The following TCF12 variants were observed in gnomAD, a reference collection of about 807,000 sequenced individuals.
The protein encoded by TCF12 is DNA-binding protein HTF4.
TCF12 carries 45 observed loss-of-function variants against 86.0 expected under a neutral mutation model. The ratio of observed to expected loss-of-function variants is 0.52; its 90% CI spans 0.41 to 0.67. The LOEUF (loss-of-function observed/expected upper bound fraction) is 0.67, where lower values mean the gene tolerates loss of function less well. Among genes scored for constraint, TCF12 ranks in the 30% least tolerant of loss-of-function variants. The pLI is 0.00. For synonymous variants in TCF12, 330 were observed against 299.6 expected (o/e 1.10, Z -1.05); for missense variants, 881 against 859.9 (o/e 1.02, Z -0.31).
rs1231718840 is a variant in TCF12 at position 57,263,274 on chromosome 15, G to A, written c.1745G>A (p.Ser582Asn). ...DIKVSSRGRT[S>N]STNEDEDLNP... ...AAGGTTTCATCTAGAGGCAGAACAA[G>A]GTATTTGTTAGCATCCAGGTTTTAA... Residue 582 changes from serine to asparagine, a missense_variant and splice_region_variant, in exon 18 of 21, where the codon AGC (serine) becomes AAC (asparagine). By Grantham distance (46) the Ser-to-Asn change is conservative. Coordinates refer to ENST00000333725, the MANE Select transcript of TCF12 (RefSeq NM_207037.2). The A allele has an allele frequency of 6.2e-7, 1 of 1,601,428 alleles. No homozygotes were observed. The highest frequency in any genetic ancestry group is 8.5e-7 in the Non-Finnish European group (1 of 1,177,304).
chr15:57,279,511 T>A (rs2061580649), intron 19 of TCF12, among the ~76,000 whole-genome samples: 1 of 152,216 alleles, frequency 6.6e-6, no homozygotes, highest in South Asian at 2.1e-4. Context: ...CCAAGAGGTA[T>A]GAAAGAGTAG....
At chr15:57,239,034 G>A (rs1433837510) in intron 12 of TCF12, among the ~76,000 whole-genome samples, 1 of 152,118 alleles carries the variant, frequency 6.6e-6, no homozygotes, top group African/African-American at 2.4e-5. Flanking sequence ...AAAATATTTT[G>A]TTTGCATAAT....
chr15:56,998,661 T>C (rs1693234925), intron 3 of TCF12, among the ~76,000 whole-genome samples: 1 of 152,128 alleles, frequency 6.6e-6, no homozygotes, highest in Admixed American at 6.5e-5. Flanking sequence ...GGGTACAGAA[T>C]GTCCGAACAA....
intron 19 of TCF12, among the ~76,000 whole-genome samples, chr15:57,280,696 C>A (rs1266759369): frequency 6.6e-6 from 1 of 151,996 alleles, no homozygotes; most frequent in Non-Finnish European, 1.5e-5. Flanking sequence ...GTAGTGAGAC[C>A]CCATCTCTGA....
chr15:56,985,967 G>T (rs1354727864), intron 3 of TCF12, among the ~76,000 whole-genome samples: 4 of 152,266 alleles, frequency 2.6e-5, no homozygotes, highest in African/African-American at 9.6e-5. Context: ...GGAGTGGACA[G>T]AAAGGGAAGA....
At chr15:57,070,944 A>C (rs543931271) in intron 4 of TCF12, among the ~76,000 whole-genome samples, 21 of 152,246 alleles carry the variant, frequency 1.4e-4, no homozygotes, top group African/African-American at 4.8e-4. Context: ...GTGGCATAAG[A>C]ACAGTATAGT....
chr15:57,173,370 C>G (rs535612782), intron 6 of TCF12, among the ~76,000 whole-genome samples: 1 of 151,944 alleles, frequency 6.6e-6, no homozygotes, highest in African/African-American at 2.4e-5. Context: ...CAAAGTAAAC[C>G]CAAAATAAAT....
intron 19 of TCF12, among the ~76,000 whole-genome samples, chr15:57,279,941 T>C (rs1433963032): frequency 2.1e-5 from 3 of 141,328 alleles, no homozygotes; most frequent in East Asian, 4.2e-4. Flanking sequence ...TCGCCCAGGC[T>C]GGAGTGCAGT....
chr15:57,082,461 T>C (rs1379628940), intron 4 of TCF12, among the ~76,000 whole-genome samples: 2 of 152,234 alleles, frequency 1.3e-5, no homozygotes, highest in Non-Finnish European at 2.9e-5. Flanking sequence ...GATTAACTCA[T>C]TTAACAAATG....
chr15:57,255,927 C>T (rs2060326427), intron 16 of TCF12, among the ~76,000 whole-genome samples: 1 of 152,238 alleles, frequency 6.6e-6, no homozygotes, highest in African/African-American at 2.4e-5. Context: ...GTGTCTGTCA[C>T]AGCCTTCTCT....
intron 3 of TCF12, among the ~76,000 whole-genome samples, chr15:57,049,459 A>T (rs2067466916): frequency 6.6e-6 from 1 of 152,204 alleles, no homozygotes; most frequent in Admixed American, 6.5e-5. Context: ...TTGCACATTG[A>T]TGGAATGAAA....
chr15:57,094,964 T>C (rs2049223704), intron 5 of TCF12, among the ~76,000 whole-genome samples: 1 of 152,210 alleles, frequency 6.6e-6, no homozygotes, highest in Non-Finnish European at 1.5e-5. Context: ...TAACAAGGGT[T>C]GATAATGATT....
intron 3 of TCF12, among the ~76,000 whole-genome samples, chr15:57,007,896 TC>T (rs2141126936): frequency 1.1e-5 from 1 of 87,966 alleles, no homozygotes; most frequent in South Asian, 3.0e-4. Context: ...CTTCCTTCCT[TC>T]CTTCCTTCCT....
intron 3 of TCF12, among the ~76,000 whole-genome samples, chr15:57,006,701 G>A (rs1191218450): frequency 6.6e-6 from 1 of 152,040 alleles, no homozygotes; most frequent in Admixed American, 6.6e-5. Context: ...TGGATTGCTT[G>A]AGCTTAGGAG....
intron 3 of TCF12, among the ~76,000 whole-genome samples, chr15:57,029,506 C>T (rs2066020142): frequency 2.0e-5 from 3 of 152,080 alleles, no homozygotes; most frequent in Admixed American, 6.6e-5. Context: ...TTTACTATTC[C>T]TCCACCTTAT....
chr15:57,107,272 AC>A (rs2050194912), intron 5 of TCF12, among the ~76,000 whole-genome samples: 2 of 143,706 alleles, frequency 1.4e-5, no homozygotes, highest in South Asian at 4.3e-4. Flanking sequence ...AGATGGAGGA[AC>A]CGTAAGTGCA....
intron 8 of TCF12, among the ~76,000 whole-genome samples, chr15:57,208,185 A>G (rs1394783914): frequency 3.3e-5 from 5 of 151,684 alleles, no homozygotes; most frequent in Middle Eastern, 6.9e-3. Flanking sequence ...GGCATCTGCC[A>G]CCACACCCAG....
chr15:57,265,838 A>G (rs1023855900), intron 18 of TCF12, among the ~76,000 whole-genome samples: 2 of 151,670 alleles, frequency 1.3e-5, no homozygotes, highest in African/African-American at 2.4e-5. Context: ...ATAACAAACA[A>G]AGAGTTAACG....
At chr15:57,257,894 G>T (rs754405223) in intron 16 of TCF12, among the ~76,000 whole-genome samples, 2 of 152,146 alleles carry the variant, frequency 1.3e-5, no homozygotes, top group Non-Finnish European at 2.9e-5. Context: ...CTATTGAAAT[G>T]TCAGCATTTG....
Sources: allele counts gnomAD v4.1 joint callset (sites outside exome capture counted in the v4.1 genomes callset), GRCh38; gene constraint gnomAD v4.1.1; transcripts MANE v1.5; gene names NCBI Gene and HGNC (gene_info 2026-07-23, HGNC 2026-07-21).